The following SH2D3C variants were observed in gnomAD, a reference collection of about 807,000 sequenced individuals.
SH2D3C encodes the protein SH2 domain containing 3C.
In SH2D3C, 25 loss-of-function variants were observed where a neutral mutation model predicts 75.2. That is an observed-to-expected ratio of 0.33 (90% confidence interval 0.24 to 0.46). The LOEUF (loss-of-function observed/expected upper bound fraction) is 0.46, where lower values mean the gene tolerates loss of function less well. Among genes scored for constraint, SH2D3C ranks in the 20% least tolerant of loss-of-function variants. SH2D3C has a pLI of 1.00. For synonymous variants in SH2D3C, 450 were observed against 473.7 expected (o/e 0.95, Z 0.65); for missense variants, 933 against 1,165.3 (o/e 0.80, Z 2.90).
chr9:127,778,144 T>C (rs946795414), intron 1 of SH2D3C, among the ~76,000 whole-genome samples: 7 of 151,596 alleles, frequency 4.6e-5, no homozygotes, highest in African/African-American at 1.7e-4. Flanking sequence ...CGTGTCACCA[T>C]ACCCAGCTAA....
chr9:127,778,410 T>C (rs1017078182), intron 1 of SH2D3C, among the ~76,000 whole-genome samples, 181 bp downstream of exon 1: 1 of 151,946 alleles, frequency 6.6e-6, no homozygotes, highest in African/African-American at 2.4e-5. Flanking sequence ...GAGCCGAGAT[T>C]GTGCCACTGC....
At chr9:127,741,533 G>T (rs35357299) in intron 9 of SH2D3C, among the ~76,000 whole-genome samples, 3 of 152,104 alleles carry the variant, frequency 2.0e-5, no homozygotes, top group Non-Finnish European at 4.4e-5. Flanking sequence ...CACGGCACCC[G>T]GCCTATTCTT....
At chr9:127,741,729 G>T in intron 9 of SH2D3C, 59 bp downstream of exon 9, 1 of 1,554,138 alleles carries the variant, frequency 6.4e-7, no homozygotes. Context: ...CATCCCAAAG[G>T]CACCCCAGGG....
chr9:127,755,210 C>T (rs1220594846), intron 3 of SH2D3C: 4 of 1,085,768 alleles, frequency 3.7e-6, no homozygotes, highest in African/African-American at 3.4e-5. Flanking sequence ...CGGTGGCCGG[C>T]GGGGCAGGGG....
At chr9:127,763,667 A>T (rs1845579809) in intron 2 of SH2D3C, among the ~76,000 whole-genome samples, 1 of 152,150 alleles carries the variant, frequency 6.6e-6, no homozygotes. Flanking sequence ...CAAAATGGGG[A>T]GGGGAGTCAA....
At chr9:127,752,600 T>G (rs571204425) in intron 3 of SH2D3C, among the ~76,000 whole-genome samples, 1 of 152,282 alleles carries the variant, frequency 6.6e-6, no homozygotes, top group African/African-American at 2.4e-5. Flanking sequence ...TCTCGCCTCC[T>G]AATTCTGTGG....
At chr9:127,748,301 T>A (rs559526903) in intron 5 of SH2D3C, among the ~76,000 whole-genome samples, 5,479 of 152,270 alleles carry the variant, frequency 0.036, 139 homozygotes, top group African/African-American at 0.073. Context: ...TTATGTTTAC[T>A]GGTTCCCAAC....
chr9:127,760,195 G>A (rs975754636), intron 3 of SH2D3C, among the ~76,000 whole-genome samples: 21 of 151,982 alleles, frequency 1.4e-4, no homozygotes, highest in Admixed American at 2.0e-4. Context: ...CAAGCGCAAA[G>A]CACTATATGC....
rs575109371 is a variant in SH2D3C, at chr9:127,771,279, G to A, written c.515+2711C>T. 5.9e-6 allele frequency: 9 copies of A among 1,522,010 alleles called. No individual in the cohort carries two copies. The East Asian group carries it at 1.8e-4, about 30-fold the overall frequency. 94.3% of individuals were successfully genotyped at this position (1,522,010 alleles called of 1,614,324 possible). On this transcript the variant is annotated intron_variant, in intron 2 of 11. Transcript: ENST00000314830. The stretch of plus-strand genomic sequence containing the variant: ...AACCCGGGGACCTCCTAAACCCAGC[G>A]GCTCCTGCCTTTCTCGGGCCACTGA...
chr9:127,773,716 G>A (rs1845769203), intron 2 of SH2D3C, among the ~76,000 whole-genome samples: 1 of 151,930 alleles, frequency 6.6e-6, no homozygotes, highest in South Asian at 2.1e-4. Flanking sequence ...TCAGGAGTTC[G>A]AGGCCAGCCT....
At chr9:127,778,421 A>C (rs539178842) in intron 1 of SH2D3C, among the ~76,000 whole-genome samples, 170 bp downstream of exon 1, 1 of 152,210 alleles carries the variant, frequency 6.6e-6, no homozygotes. Flanking sequence ...GTGCCACTGC[A>C]CTCCAGCCTG....
intron 9 of SH2D3C, among the ~76,000 whole-genome samples, chr9:127,741,587 A>T (rs1035526801): frequency 2.6e-5 from 4 of 152,180 alleles, no homozygotes; most frequent in Non-Finnish European, 5.9e-5. Context: ...TTTATTTTAC[A>T]AGCGAGGAAA....
intron 2 of SH2D3C, among the ~76,000 whole-genome samples, chr9:127,772,511 C>T (rs915718272): frequency 5.9e-5 from 9 of 152,190 alleles, no homozygotes; most frequent in Admixed American, 4.6e-4. Flanking sequence ...CTGCCTACCT[C>T]GGCCACCCAA....
Position 127,751,143 on chromosome 9 carries a change from G to C in SH2D3C, c.684+29C>G. The C allele has an allele frequency of 6.2e-7, 1 of 1,611,382 alleles. No homozygotes were observed. Among genetic ancestry groups the C allele is most frequent in the Non-Finnish European group, 8.5e-7 (1 of 1,179,188 alleles). ...CAAGGCAGTGGGTGGGAGGGTCCCG[G>C]GTTGAAGTCCAGCTCGGGGCCTACT... On this transcript the variant is annotated intron_variant, in intron 4 of 11. Coordinates refer to ENST00000314830, the MANE Select transcript of SH2D3C (RefSeq NM_170600.3). The surrounding 1 kb of genome is among the most constrained non-coding windows in gnomAD (Gnocchi z 4.1).
intron 6 of SH2D3C, among the ~76,000 whole-genome samples, chr9:127,746,146 G>A (rs968516386): frequency 6.6e-6 from 1 of 152,150 alleles, no homozygotes; most frequent in African/African-American, 2.4e-5. Context: ...AGTCATTCTG[G>A]CAAGGAATTT....
intron 3 of SH2D3C, among the ~76,000 whole-genome samples, chr9:127,756,039 G>A (rs144075962): frequency 1.3e-5 from 2 of 152,292 alleles, no homozygotes; most frequent in Non-Finnish European, 2.9e-5. Flanking sequence ...GGTGGCTCAC[G>A]CCTGTAATCC....
At chr9:127,758,554 C>T (rs1378135054) in intron 3 of SH2D3C, among the ~76,000 whole-genome samples, 4 of 152,186 alleles carry the variant, frequency 2.6e-5, no homozygotes, top group Non-Finnish European at 4.4e-5. Flanking sequence ...CAGGTCCTCC[C>T]TCCCACGGTG....
intron 5 of SH2D3C, among the ~76,000 whole-genome samples, chr9:127,748,469 GA>G (rs1262379634): frequency 6.6e-6 from 1 of 152,222 alleles, no homozygotes; most frequent in Admixed American, 6.5e-5. Flanking sequence ...GGAAACCACA[GA>G]AACTTGGGGC....
At position 127,749,518 on chromosome 9, in the gene SH2D3C, A is replaced by G. The variant is rs1176467104; in HGVS notation, c.832T>C (p.Tyr278His). Residue 278 changes from tyrosine (Y) to histidine (H), a missense_variant, in exon 5 of 12, where the codon TAC becomes CAC. Coordinates refer to ENST00000314830, the MANE Select transcript of SH2D3C (RefSeq NM_170600.3). This position sits in a 1 kb window ranked among gnomAD's most constrained non-coding sequence, Gnocchi z 5.9. Reference protein sequence around the residue: ...NKVVVKAGESYTHIQYLFEQE... With the variant: ...NKVVVKAGESHTHIQYLFEQE... ...TCAAACAGGTACTGGATGTGTGTGT[A>G]GCTCTCGCCTGCCTTCACCACCACC... 1.2e-6 allele frequency: 2 copies of G among 1,614,124 alleles called. No individual in the cohort carries two copies. Among genetic ancestry groups the G allele is most frequent in the Admixed American group, 1.7e-5 (1 of 60,022 alleles).
Sources: allele counts gnomAD v4.1 joint callset (sites outside exome capture counted in the v4.1 genomes callset), GRCh38; gene constraint gnomAD v4.1.1; non-coding constraint Gnocchi (gnomAD v3.1); transcripts MANE v1.5; gene names NCBI Gene and HGNC (gene_info 2026-07-23, HGNC 2026-07-21).